BCKDHB: variants seen among roughly 807,000 people sequenced by gnomAD.
BCKDHB encodes 2-oxoisovalerate dehydrogenase subunit beta, mitochondrial.
In BCKDHB, 41 loss-of-function variants were observed where a neutral mutation model predicts 48.5. The ratio of observed to expected loss-of-function variants is 0.85; its 90% confidence interval spans 0.66 to 1.10. BCKDHB has a LOEUF of 1.10. Among genes scored for constraint, BCKDHB ranks in the 50% least tolerant of loss-of-function variants. The pLI is 0.00. For synonymous variants in BCKDHB, 201 were observed against 174.8 expected, an observed-to-expected ratio of 1.15 and a Z score of -1.18; for missense variants, 496 against 494.2, an observed-to-expected ratio of 1.00 and a Z score of -0.03.
chr6:80,428,471 A>G, the BCKDHB span, among the ~76,000 whole-genome samples: 1 of 152,248 alleles, frequency 6.6e-6, no homozygotes, highest in Admixed American at 6.5e-5. Context: ...TGGTTGAACT[A>G]ATTTACACTC....
chr6:80,389,132 G>A, the BCKDHB span, among the ~76,000 whole-genome samples: 2 of 152,220 alleles, frequency 1.3e-5, no homozygotes, highest in Non-Finnish European at 2.9e-5. Context: ...AGTGACCTCA[G>A]CAGAGGAAGA....
At chr6:80,419,420 C>T in the BCKDHB span, among the ~76,000 whole-genome samples, 1 of 152,126 alleles carries the variant, frequency 6.6e-6, no homozygotes, top group Non-Finnish European at 1.5e-5. Context: ...AGACCAAGAG[C>T]TGCTTGTGTC....
intron 9 of BCKDHB, among the ~76,000 whole-genome samples, chr6:80,311,365 C>G (rs1768149816): frequency 6.6e-6 from 1 of 152,144 alleles, no homozygotes; most frequent in South Asian, 2.1e-4. Context: ...GGATAGATTG[C>G]AAAAATTTTC....
At chr6:80,305,360 A>T (rs998250427) in intron 9 of BCKDHB, among the ~76,000 whole-genome samples, 2 of 152,136 alleles carry the variant, frequency 1.3e-5, no homozygotes, top group African/African-American at 4.8e-5. Context: ...TTGTTGCTTA[A>T]TGGATCTCTA....
intron 9 of BCKDHB, among the ~76,000 whole-genome samples, chr6:80,298,240 G>A (rs577936282): frequency 5.3e-5 from 8 of 152,196 alleles, no homozygotes; most frequent in African/African-American, 1.4e-4. Flanking sequence ...AGCCTCTCAA[G>A]TAGCTGGGAT....
At chr6:80,391,258 G>A in the BCKDHB span, among the ~76,000 whole-genome samples, 1 of 151,944 alleles carries the variant, frequency 6.6e-6, no homozygotes, top group Non-Finnish European at 1.5e-5. Flanking sequence ...GGGTTGAATG[G>A]TGTCTCCAAA....
intron 8 of BCKDHB, among the ~76,000 whole-genome samples, chr6:80,228,741 G>A (rs113730536): frequency 1.3e-4 from 20 of 152,280 alleles, no homozygotes; most frequent in African/African-American, 4.8e-4. Context: ...AACCATACCC[G>A]AGCCACATGT....
At chr6:80,371,428 C>T in the BCKDHB span, among the ~76,000 whole-genome samples, 1 of 152,012 alleles carries the variant, frequency 6.6e-6, no homozygotes, top group Non-Finnish European at 1.5e-5. Context: ...TTCTCTCACT[C>T]TGTGGGTGGT....
intron 9 of BCKDHB, among the ~76,000 whole-genome samples, chr6:80,280,161 T>C (rs1390028525): frequency 6.6e-6 from 1 of 152,148 alleles, no homozygotes; most frequent in East Asian, 1.9e-4. Context: ...TGTTTTTATG[T>C]GGAGGAAATA....
intron 8 of BCKDHB, among the ~76,000 whole-genome samples, chr6:80,209,771 A>T (rs530696834): frequency 6.6e-6 from 1 of 152,172 alleles, no homozygotes; most frequent in East Asian, 1.9e-4. Context: ...TAAAACACTA[A>T]CGTTAAAAAA....
chr6:80,311,471 G>T (rs1041311895), intron 9 of BCKDHB, among the ~76,000 whole-genome samples: 8 of 152,146 alleles, frequency 5.3e-5, no homozygotes, highest in African/African-American at 1.9e-4. Flanking sequence ...TGCTTTTGTT[G>T]CAATTGCTTT....
chr6:80,294,308 A>G (rs1767104918), intron 9 of BCKDHB, among the ~76,000 whole-genome samples: 2 of 152,220 alleles, frequency 1.3e-5, no homozygotes, highest in African/African-American at 2.4e-5. Context: ...CTGAGGATAT[A>G]CTTCACCTCA....
At chr6:80,378,521 TAA>T in the BCKDHB span, among the ~76,000 whole-genome samples, 2 of 152,184 alleles carry the variant, frequency 1.3e-5, no homozygotes, top group East Asian at 1.9e-4. Flanking sequence ...GAAAATGTGA[TAA>T]GTGTCCACCA....
chr6:80,455,439 G>T, the BCKDHB span, among the ~76,000 whole-genome samples: 1 of 151,644 alleles, frequency 6.6e-6, no homozygotes, highest in Non-Finnish European at 1.5e-5. Flanking sequence ...TACCTGACTT[G>T]AAAACTACTA....
chr6:80,196,639 T>A (rs930839870), intron 6 of BCKDHB, among the ~76,000 whole-genome samples: 2 of 151,948 alleles, frequency 1.3e-5, no homozygotes, highest in African/African-American at 4.8e-5. Context: ...AAACTTGGTA[T>A]ATATATATAT....
At chr6:80,316,335 T>C (rs1328245129) in intron 9 of BCKDHB, among the ~76,000 whole-genome samples, 1 of 152,180 alleles carries the variant, frequency 6.6e-6, no homozygotes, top group Non-Finnish European at 1.5e-5. Context: ...TCCAATTCTG[T>C]ATCATTATGA....
chr6:80,215,547 G>A (rs1775131798), intron 8 of BCKDHB, among the ~76,000 whole-genome samples: 1 of 152,154 alleles, frequency 6.6e-6, no homozygotes, highest in Non-Finnish European at 1.5e-5. Context: ...GTAAATATTT[G>A]TTGAACCATC....
chr6:80,425,890 G>T, the BCKDHB span, among the ~76,000 whole-genome samples: 4 of 152,122 alleles, frequency 2.6e-5, no homozygotes, highest in African/African-American at 2.4e-5. Flanking sequence ...GAGGCTGAGG[G>T]TAATATTTTT....
At chr6:80,263,857 T>A (rs1777401040) in intron 8 of BCKDHB, among the ~76,000 whole-genome samples, 1 of 152,144 alleles carries the variant, frequency 6.6e-6, no homozygotes. Context: ...CAAGGGATGA[T>A]GTCAGTTTCT....
Sources: gnomAD v4.1 joint callset for allele counts (sites outside exome capture counted in the v4.1 genomes callset) on GRCh38, gnomAD v4.1.1 for gene constraint, MANE v1.5 for transcripts, NCBI Gene and HGNC (gene_info 2026-07-23, HGNC 2026-07-21) for gene names.